PDE4B: variants seen among roughly 807,000 people sequenced by gnomAD.
The protein encoded by PDE4B is phosphodiesterase 4B, also known as 3',5'-cyclic-AMP phosphodiesterase 4B.
PDE4B carries 20 observed loss-of-function variants against 82.2 expected under a neutral mutation model. The ratio of observed to expected loss-of-function variants is 0.24; its 90% CI spans 0.17 to 0.35. The LOEUF is 0.35. PDE4B is among the 10% of genes least tolerant of loss of function. The pLI is 1.00. For missense variants in PDE4B, 655 were observed against 907.2 expected, an observed-to-expected ratio of 0.72 and a Z score of 3.57; for synonymous variants, 320 against 318.9, an observed-to-expected ratio of 1.00 and a Z score of -0.04.
chr1:66,341,008 T>C (rs1398150723), intron 8 of PDE4B, among the ~76,000 whole-genome samples: 1 of 152,216 alleles, frequency 6.6e-6, no homozygotes, highest in Non-Finnish European at 1.5e-5. Context: ...ACATTTTCTT[T>C]CTAGTTATAG....
At chr1:65,886,998 G>A (rs1391916451) in intron 1 of PDE4B, among the ~76,000 whole-genome samples, 1 of 152,072 alleles carries the variant, frequency 6.6e-6, no homozygotes, top group Non-Finnish European at 1.5e-5. Context: ...CAGTGTGTAA[G>A]AGTTCACTTT....
intron 3 of PDE4B, among the ~76,000 whole-genome samples, chr1:66,106,078 G>T (rs1570247991): frequency 6.6e-6 from 1 of 152,030 alleles, no homozygotes; most frequent in Non-Finnish European, 1.5e-5. Context: ...CTGTGGGTTT[G>T]TCATAGATAG....
chr1:65,803,835 G>A (rs1404124295), intron 1 of PDE4B, among the ~76,000 whole-genome samples: 1 of 152,184 alleles, frequency 6.6e-6, no homozygotes, highest in African/African-American at 2.4e-5. Context: ...TTGGACGCCA[G>A]CTTTTATTTC....
intron 3 of PDE4B, among the ~76,000 whole-genome samples, chr1:66,133,602 A>G (rs982721662): frequency 5.3e-5 from 8 of 152,232 alleles, no homozygotes; most frequent in African/African-American, 1.9e-4. Flanking sequence ...TGACTTGACC[A>G]TAAGAAGTCT....
chr1:66,219,607 G>A (rs1378593804), intron 3 of PDE4B, among the ~76,000 whole-genome samples: 2 of 152,252 alleles, frequency 1.3e-5, no homozygotes, highest in Admixed American at 6.5e-5. Flanking sequence ...TATGCTGAAA[G>A]GTGTTTTAAT....
intron 1 of PDE4B, among the ~76,000 whole-genome samples, chr1:65,893,441 A>G (rs1646874333): frequency 6.6e-6 from 1 of 152,108 alleles, no homozygotes; most frequent in Non-Finnish European, 1.5e-5. Context: ...TTACTCCTGC[A>G]AGAAGTACAC....
At chr1:66,291,709 C>T (rs769559659) in intron 7 of PDE4B, among the ~76,000 whole-genome samples, 2 of 152,136 alleles carry the variant, frequency 1.3e-5, no homozygotes, top group African/African-American at 2.4e-5. Flanking sequence ...ACAGCATAAG[C>T]TGCACTCCAT....
At chr1:66,200,253 A>G (rs1272589629) in intron 3 of PDE4B, among the ~76,000 whole-genome samples, 2 of 151,988 alleles carry the variant, frequency 1.3e-5, no homozygotes, top group Non-Finnish European at 1.5e-5. Context: ...CTGTAGCCTT[A>G]TAGTATAGTT....
Position 66,365,749 on chromosome 1 carries a change from A to G in PDE4B, c.1367A>G (p.Gln456Arg). The change falls in exon 13 of 17, where the codon CAG (glutamine) becomes CGG (arginine). Residue 456 changes from glutamine (Q) to arginine (R), a missense_variant. Around this residue, in one of 3 missense-constraint regions of PDE4B, gnomAD observed 283 missense variants for 516.4 expected, o/e 0.55. Coordinates refer to ENST00000341517, the MANE Select transcript of PDE4B (RefSeq NM_002600.4). ...HDVDHPGVSNQFLINTNSELA... is the reference protein window; with the variant it reads ...HDVDHPGVSNRFLINTNSELA... ...GTTGATCATCCTGGAGTCTCCAATC[A>G]GTTTCTCATCAACACAAGTGAGTTC... The G allele has an allele frequency of 6.3e-7, 1 of 1,596,802 alleles. No individual in the cohort carries two copies. The highest frequency in any genetic ancestry group is 8.6e-7 in the Non-Finnish European group (1 of 1,166,230).
intron 3 of PDE4B, among the ~76,000 whole-genome samples, chr1:65,957,989 CCTT>C (rs1355429152): frequency 1.3e-5 from 2 of 151,922 alleles, no homozygotes; most frequent in African/African-American, 4.8e-5. Context: ...AATCTTTACT[CCTT>C]TAATTTTTTT....
chr1:66,102,059 A>G (rs530926703), intron 3 of PDE4B, among the ~76,000 whole-genome samples: 2 of 152,282 alleles, frequency 1.3e-5, no homozygotes, highest in South Asian at 2.1e-4. Flanking sequence ...ATGGCTATCC[A>G]GTTTTCCCAG....
intron 7 of PDE4B, among the ~76,000 whole-genome samples, chr1:66,277,659 G>T (rs1346609137): frequency 6.6e-6 from 1 of 152,214 alleles, no homozygotes. Context: ...CTCCCAAAGT[G>T]CTGGGATTAC....
intron 3 of PDE4B, among the ~76,000 whole-genome samples, chr1:66,230,997 G>A (rs1280608822): frequency 6.8e-6 from 1 of 146,794 alleles, no homozygotes; most frequent in Non-Finnish European, 1.5e-5. Context: ...TTGCACCACT[G>A]CACTCCAGCC....
rs142791106 is a variant in PDE4B, at chr1:65,946,344, A to G, written c.281+27509A>G. 8.3e-3 allele frequency among the ~76,000 whole-genome samples: 1,268 copies of G among 152,010 alleles called. 6 individuals carry two copies. Among genetic ancestry groups the G allele is most frequent in the Middle Eastern group, 0.014 (4 of 294 alleles). On this transcript the variant is annotated intron_variant, in intron 3 of 16. Transcript: ENST00000341517. The stretch of plus-strand genomic sequence containing the variant: ...TATTGGTATCTGTGGTGTGCTAGTA[A>G]ATGATTACTTCTGAAAAATACTGCC...
chr1:65,908,775 GAAGGGCC>G (rs373303594), intron 1 of PDE4B, among the ~76,000 whole-genome samples: 189 of 152,242 alleles, frequency 1.2e-3, no homozygotes, highest in African/African-American at 4.2e-3. Context: ...CCCGTTACAG[GAAGGGCC>G]TCATCTCAAC....
chr1:66,047,342 G>T (rs967528343), intron 3 of PDE4B, among the ~76,000 whole-genome samples: 6 of 151,830 alleles, frequency 4.0e-5, no homozygotes, highest in African/African-American at 1.4e-4. Context: ...TGGATTATAG[G>T]TGTTAATATA....
At chr1:66,105,928 T>C (rs1038494324) in intron 3 of PDE4B, among the ~76,000 whole-genome samples, 2 of 152,096 alleles carry the variant, frequency 1.3e-5, no homozygotes, top group African/African-American at 4.8e-5. Flanking sequence ...GAATACCCTT[T>C]ATTTCCTTCT....
At chr1:66,260,588 A>G (rs1470592185) in intron 6 of PDE4B, among the ~76,000 whole-genome samples, 2 of 152,196 alleles carry the variant, frequency 1.3e-5, no homozygotes, top group African/African-American at 4.8e-5. Flanking sequence ...ACTACATTGC[A>G]CAGCACTAGG....
intron 3 of PDE4B, among the ~76,000 whole-genome samples, chr1:66,028,528 T>C (rs1653580691): frequency 6.6e-6 from 1 of 152,220 alleles, no homozygotes; most frequent in African/African-American, 2.4e-5. Context: ...CTTGAATTTC[T>C]CCCCAGAAAA....
Sources: allele counts gnomAD v4.1 joint callset (sites outside exome capture counted in the v4.1 genomes callset), GRCh38; gene constraint gnomAD v4.1.1; regional missense constraint gnomAD v4.1.1; transcripts MANE v1.5; gene names NCBI Gene and HGNC (gene_info 2026-07-23, HGNC 2026-07-21).